MMS22L: variants seen among roughly 807,000 people sequenced by gnomAD.
The protein encoded by MMS22L is protein MMS22-like.
A neutral mutation model predicts 159.1 loss-of-function variants in MMS22L; 74 were observed. The observed-to-expected ratio is 0.47, with a 90% CI of 0.39 to 0.56. The LOEUF (loss-of-function observed/expected upper bound fraction) is 0.56, where lower values mean the gene tolerates loss of function less well. Among genes scored for constraint, MMS22L ranks in the 20% least tolerant of loss-of-function variants. The pLI is 0.00. For missense variants in MMS22L, 1,351 were observed against 1,422.1 expected, an observed-to-expected ratio of 0.95 and a Z score of 0.80; for synonymous variants, 517 against 506.9, an observed-to-expected ratio of 1.02 and a Z score of -0.27.
intron 14 of MMS22L, among the ~76,000 whole-genome samples, chr6:97,225,619 C>A (rs1276483991): frequency 6.7e-6 from 1 of 150,118 alleles, no homozygotes; most frequent in East Asian, 1.9e-4. Context: ...GTCACACAGG[C>A]TGGAGTGCAG....
At chr6:97,161,363 G>A (rs977247492) in intron 22 of MMS22L, among the ~76,000 whole-genome samples, 2 of 152,008 alleles carry the variant, frequency 1.3e-5, no homozygotes, top group South Asian at 4.1e-4. Flanking sequence ...AATGTTTTTA[G>A]TAATACACTG....
At chr6:97,231,979 C>T (rs1810922186) in intron 12 of MMS22L, among the ~76,000 whole-genome samples, 1 of 152,080 alleles carries the variant, frequency 6.6e-6, no homozygotes, top group South Asian at 2.1e-4. Context: ...TTTTGTTATA[C>T]CACTTGTTTT....
In MMS22L at chr6:97,173,232, A is replaced by G. The variant is rs1484347222; in HGVS notation, c.2680-10T>C. On this transcript the variant is annotated splice_polypyrimidine_tract_variant and intron_variant, in intron 18 of 24. Transcript: ENST00000683635. ...AAGTTACACCAACAGCCTATAAATA[A>G]AGAAAAACATTATTTAACTTCCCAA... The G allele has an allele frequency of 6.2e-7, 1 of 1,602,166 alleles. No individual in the cohort carries two copies. Among genetic ancestry groups the G allele is most frequent in the African/African-American group, 1.4e-5 (1 of 74,072 alleles).
intron 14 of MMS22L, 82 bp from the exon 15 acceptor site, chr6:97,186,772 A>G: frequency 2.0e-6 from 2 of 998,472 alleles, no homozygotes; most frequent in Non-Finnish European, 2.8e-6. Flanking sequence ...AGCTTTTTCC[A>G]TTTATATCAT....
chr6:97,189,980 C>T (rs759400127), intron 14 of MMS22L, among the ~76,000 whole-genome samples: 1 of 152,080 alleles, frequency 6.6e-6, no homozygotes, highest in Non-Finnish European at 1.5e-5. Context: ...GAAGGAAGAA[C>T]CAAATTTTTG....
intron 19 of MMS22L, among the ~76,000 whole-genome samples, chr6:97,170,843 G>C (rs1401768160): frequency 2.0e-5 from 3 of 151,878 alleles, no homozygotes; most frequent in Admixed American, 6.6e-5. Context: ...CCTGTCTGTA[G>C]TAAAAATACA....
At chr6:97,242,086 G>T (rs1812140363) in intron 11 of MMS22L, among the ~76,000 whole-genome samples, 1 of 152,154 alleles carries the variant, frequency 6.6e-6, no homozygotes, top group Non-Finnish European at 1.5e-5. Flanking sequence ...AGTTTGAGTA[G>T]AATGTTCTGT....
At chr6:97,233,222 T>C (rs74736762) in intron 12 of MMS22L, among the ~76,000 whole-genome samples, 1,678 of 152,248 alleles carry the variant, frequency 0.011, 72 homozygotes, top group Admixed American at 0.078. Context: ...GGTCTCTCCA[T>C]AGTTATCCGA....
At chr6:97,272,617 T>C in intron 6 of MMS22L, 87 bp downstream of exon 6, 1 of 1,208,892 alleles carries the variant, frequency 8.3e-7, no homozygotes. Context: ...GAGCTGTAAT[T>C]CTGACTAATT....
chr6:97,273,506 A>G (rs543338724), intron 4 of MMS22L, among the ~76,000 whole-genome samples: 13 of 152,184 alleles, frequency 8.5e-5, no homozygotes, highest in Non-Finnish European at 1.8e-4. Flanking sequence ...TTAATAAATG[A>G]TAATGACTCT....
chr6:97,266,616 C>G (rs1403733766), intron 8 of MMS22L: 1 of 152,186 alleles, frequency 6.6e-6, no homozygotes, highest in Non-Finnish European at 1.5e-5. Context: ...TGGTCTGTCA[C>G]TGACTAAAAC....
chr6:97,241,459 T>G (rs1223585475), intron 11 of MMS22L, among the ~76,000 whole-genome samples: 1 of 152,154 alleles, frequency 6.6e-6, no homozygotes, highest in Non-Finnish European at 1.5e-5. Flanking sequence ...CACACCAACA[T>G]CTATTTTTTT....
rs372020627 is a variant in MMS22L at position 97,179,400 on chromosome 6, T to G, written c.2536+8A>C. 2 of 1,611,176 alleles carry G rather than the reference T, an allele frequency of 1.2e-6. No individual in the cohort carries two copies. The highest frequency in any genetic ancestry group is 1.7e-6 in the Non-Finnish European group (2 of 1,178,660). On this transcript the variant is annotated splice_region_variant and intron_variant, in intron 17 of 24. Transcript: ENST00000683635. Reference sequence around the variant, plus strand: ...CCCATCCTCCCCAAAAAACGTACACTTACTTACCAACTGCCTCTTCCAGAT... The same window carrying G: ...CCCATCCTCCCCAAAAAACGTACACGTACTTACCAACTGCCTCTTCCAGAT...
At chr6:97,173,596 A>C (rs1051409890) in intron 18 of MMS22L, among the ~76,000 whole-genome samples, 1 of 152,186 alleles carries the variant, frequency 6.6e-6, no homozygotes, top group Non-Finnish European at 1.5e-5. Context: ...GATTACTAGG[A>C]ATTCAAAATC....
chr6:97,196,344 AATAAC>A (rs1806503440), intron 14 of MMS22L, among the ~76,000 whole-genome samples: 2 of 152,182 alleles, frequency 1.3e-5, no homozygotes, highest in South Asian at 2.1e-4. Flanking sequence ...AGAAAGTTAA[AATAAC>A]ATGAGTAAAG....
At chr6:97,270,459 A>T (rs958562886) in intron 6 of MMS22L, 1 of 305,564 alleles carries the variant, frequency 3.3e-6, no homozygotes, top group African/African-American at 2.2e-5. Context: ...ACAGAAGTTA[A>T]AAGAGGTGAA....
intron 11 of MMS22L, among the ~76,000 whole-genome samples, chr6:97,239,659 T>C (rs536593439): frequency 1.2e-3 from 183 of 152,276 alleles, no homozygotes; most frequent in Non-Finnish European, 2.4e-3. Flanking sequence ...CCATCTGTAA[T>C]CCCAAGCACT....
chr6:97,217,302 A>G (rs1413005057), intron 14 of MMS22L, among the ~76,000 whole-genome samples: 1 of 151,886 alleles, frequency 6.6e-6, no homozygotes, highest in Non-Finnish European at 1.5e-5. Context: ...CTGGAGTGCA[A>G]TGGCGCATTC....
At chr6:97,237,993 T>TA (rs1249270632) in intron 11 of MMS22L, among the ~76,000 whole-genome samples, 1 of 152,144 alleles carries the variant, frequency 6.6e-6, no homozygotes, top group African/African-American at 2.4e-5. Flanking sequence ...ATTTAAACTA[T>TA]AAAAAATATG....
Sources: allele counts gnomAD v4.1 joint callset (sites outside exome capture counted in the v4.1 genomes callset), GRCh38; gene constraint gnomAD v4.1.1; transcripts MANE v1.5; gene names NCBI Gene and HGNC (gene_info 2026-07-23, HGNC 2026-07-21).